The following ABI3BP variants were observed in gnomAD, a reference collection of about 807,000 sequenced individuals.
ABI3BP encodes target of Nesh-SH3.
In ABI3BP, 216 loss-of-function variants were observed where a neutral mutation model predicts 268.6. That is an observed-to-expected ratio of 0.80 (90% CI 0.72 to 0.90). The LOEUF is 0.90. ABI3BP is among the 40% of genes least tolerant of loss of function. The pLI is 0.00. For synonymous variants in ABI3BP, 730 were observed against 730.0 expected (o/e 1.00, Z 0.00); for missense variants, 2,090 against 2,182.4 (o/e 0.96, Z 0.84).
chr3:100,863,070 TAAGA>T (rs2099015078), intron 12 of ABI3BP, 161 bp from the exon 13 acceptor site: 1 of 579,436 alleles, frequency 1.7e-6, no homozygotes, highest in African/African-American at 1.9e-5. Flanking sequence ...ATGTTGAATA[TAAGA>T]AAGTTTCTTT....
chr3:100,840,751 G>T, intron 22 of ABI3BP, 69 bp downstream of exon 22: 2 of 1,310,394 alleles, frequency 1.5e-6, no homozygotes, highest in Non-Finnish European at 2.1e-6. Context: ...ATTAATGTGA[G>T]TCTGTCAACA....
At chr3:100,806,249 C>T (rs1252406529) in intron 50 of ABI3BP, among the ~76,000 whole-genome samples, 2 of 151,962 alleles carry the variant, frequency 1.3e-5, no homozygotes, top group African/African-American at 2.4e-5. Flanking sequence ...AAATTTGTTG[C>T]GCTTTAAGTT....
In ABI3BP at chr3:100,815,975, A is replaced by G; in HGVS notation, c.3230-4T>C. ...GGTTCAAAGCCTGTAACAGAAACTA[A>G]CCAAAAGCAACAACATGAATACAAG... On this transcript the variant is annotated splice_polypyrimidine_tract_variant and splice_region_variant and intron_variant, in intron 43 of 67. Coordinates refer to ENST00000471714, the MANE Select transcript of ABI3BP (RefSeq NM_001375547.2). The G allele has an allele frequency of 6.6e-7, 1 of 1,511,740 alleles. No individual in the cohort carries two copies. The highest frequency in any genetic ancestry group is 8.8e-7 in the Non-Finnish European group (1 of 1,138,154). 93.6% of individuals were successfully genotyped at this position (1,511,740 alleles called of 1,614,324 possible). A position where few individuals can be genotyped will look rare whatever the true frequency, so the allele number is the denominator to read the frequency against.
intron 53 of ABI3BP, 55 bp downstream of exon 53, chr3:100,795,749 G>T: frequency 1.7e-6 from 2 of 1,211,730 alleles, no homozygotes; most frequent in East Asian, 5.8e-5. Context: ...AGAAAGGCCT[G>T]CAATCTTGAT....
intron 1 of ABI3BP, among the ~76,000 whole-genome samples, chr3:100,948,590 T>G (rs2073569073): frequency 6.6e-6 from 1 of 152,214 alleles, no homozygotes; most frequent in South Asian, 2.1e-4. Flanking sequence ...ACTTACTATA[T>G]GAATACTTCT....
intron 29 of ABI3BP, 59 bp from the exon 30 acceptor site, chr3:100,833,216 A>G: frequency 1.4e-6 from 2 of 1,432,734 alleles, no homozygotes; most frequent in Non-Finnish European, 1.9e-6. Flanking sequence ...AACACACGAG[A>G]AAAGCCATCA....
intron 1 of ABI3BP, among the ~76,000 whole-genome samples, chr3:100,947,599 G>A (rs934022756): frequency 6.6e-6 from 1 of 152,098 alleles, no homozygotes; most frequent in Non-Finnish European, 1.5e-5. Flanking sequence ...TACTGCCTAT[G>A]GGGAATTGTT....
chr3:100,890,128 A>C (rs1200137697), intron 4 of ABI3BP, among the ~76,000 whole-genome samples: 1 of 152,176 alleles, frequency 6.6e-6, no homozygotes, highest in Non-Finnish European at 1.5e-5. Flanking sequence ...TCCTTCTACG[A>C]ACTACCCCAG....
chr3:100,969,691 G>GT (rs557495235), intron 1 of ABI3BP, among the ~76,000 whole-genome samples: 2 of 152,056 alleles, frequency 1.3e-5, no homozygotes, highest in African/African-American at 2.4e-5. Context: ...AAAAAATCAT[G>GT]TTTTTTTGAA....
intron 1 of ABI3BP, among the ~76,000 whole-genome samples, chr3:100,973,111 G>T (rs2084453179): frequency 6.6e-6 from 1 of 152,134 alleles, no homozygotes; most frequent in Non-Finnish European, 1.5e-5. Context: ...GGGCTGTCTG[G>T]AGTTTCTGAG....
At chr3:100,753,728 C>T (rs1007819942) in intron 65 of ABI3BP, 91 bp downstream of exon 65, 91 of 1,450,556 alleles carry the variant, frequency 6.3e-5, no homozygotes, top group Admixed American at 3.7e-4. Context: ...AGTGGAAAAA[C>T]GCGAAATCAT....
intron 20 of ABI3BP, chr3:100,844,024 A>G: frequency 2.0e-6 from 2 of 981,766 alleles, no homozygotes; most frequent in Non-Finnish European, 2.4e-6. Context: ...ACATAAAAAC[A>G]GTAAGGTCTA....
chr3:100,796,071 C>T (rs1380243404), intron 52 of ABI3BP, among the ~76,000 whole-genome samples: 3 of 152,012 alleles, frequency 2.0e-5, no homozygotes, highest in Admixed American at 6.6e-5. Flanking sequence ...GGGAAAATTT[C>T]GAGTAGGCAC....
At chr3:100,975,294 C>T (rs1328988580) in intron 1 of ABI3BP, among the ~76,000 whole-genome samples, 1 of 151,984 alleles carries the variant, frequency 6.6e-6, no homozygotes, top group Non-Finnish European at 1.5e-5. Flanking sequence ...CTTTAGTAAA[C>T]AAGATAACAA....
At chr3:100,760,830 T>C (rs1287655926) in intron 63 of ABI3BP, among the ~76,000 whole-genome samples, 1 of 152,190 alleles carries the variant, frequency 6.6e-6, no homozygotes, top group African/African-American at 2.4e-5. Context: ...ATACATTGCC[T>C]AAGGAGACAC....
At chr3:100,970,512 C>G (rs2083143529) in intron 1 of ABI3BP, among the ~76,000 whole-genome samples, 1 of 152,156 alleles carries the variant, frequency 6.6e-6, no homozygotes, top group Admixed American at 6.5e-5. Flanking sequence ...TACCCTTGCC[C>G]CTCTCAAATA....
chr3:100,846,181 A>G (rs2152985785), intron 20 of ABI3BP, among the ~76,000 whole-genome samples, 191 bp downstream of exon 20: 1 of 152,310 alleles, frequency 6.6e-6, no homozygotes, highest in South Asian at 2.1e-4. Flanking sequence ...GATCATGAAC[A>G]TTGCTGAGAG....
At chr3:100,778,196 T>C (rs2096761753) in intron 59 of ABI3BP, 88 bp downstream of exon 59, 1 of 1,269,542 alleles carries the variant, frequency 7.9e-7, no homozygotes, top group East Asian at 2.4e-5. Flanking sequence ...ATCAATAGTG[T>C]GCCTGTTGCT....
At chr3:100,815,795 G>C (rs1405853355) in intron 44 of ABI3BP, 117 bp downstream of exon 44, 4 of 657,334 alleles carry the variant, frequency 6.1e-6, no homozygotes, top group Non-Finnish European at 9.9e-6. Flanking sequence ...TTAAAATGAA[G>C]TGTAGAATGG....
Sources: allele counts gnomAD v4.1 joint callset (sites outside exome capture counted in the v4.1 genomes callset), GRCh38; gene constraint gnomAD v4.1.1; transcripts MANE v1.5; gene names NCBI Gene and HGNC (gene_info 2026-07-23, HGNC 2026-07-21).